Variants in CCDC22 observed in about 807,000 individuals in gnomAD.
CCDC22 encodes CCC complex scaffolding subunit CCDC22.
A neutral mutation model predicts 53.1 loss-of-function variants in CCDC22; 4 were observed. The ratio of observed to expected loss-of-function variants is 0.08; its 90% confidence interval spans 0.04 to 0.17. CCDC22 has a LOEUF of 0.17. Ranked by LOEUF, CCDC22 falls within the 10% of genes least tolerant of loss-of-function variation. The probability of loss-of-function intolerance (pLI) is 1.00; values close to 1 mark genes in which losing one functional copy is unlikely to be tolerated. For synonymous variants in CCDC22, 222 were observed against 224.4 expected (o/e 0.99, Z 0.10); for missense variants, 458 against 554.0 (o/e 0.83, Z 1.74).
Position 49,235,526 on chromosome X carries a change from C to A in CCDC22, c.-111C>A. Reference sequence around the variant, plus strand: ...ACTACACTTTCCAACTCTCCCCACACGACCCGTGACACTCTGTGGACCGCG... The same window carrying A: ...ACTACACTTTCCAACTCTCCCCACAAGACCCGTGACACTCTGTGGACCGCG... On this transcript the variant is annotated 5_prime_UTR_variant, in exon 1 of 17. Transcript: ENST00000376227. 2 of 712,105 alleles carry A rather than the reference C, an allele frequency of 2.8e-6. No individual in the cohort carries two copies. The highest frequency in any genetic ancestry group is 4.4e-6 in the Non-Finnish European group (2 of 457,938). 58.7% of individuals were successfully genotyped at this position (712,105 alleles called of 1,213,427 possible).
chrX:49,249,137 G>A (rs782090820), intron 13 of CCDC22, 30 bp from the exon 14 acceptor site: 1 of 1,180,780 alleles, frequency 8.5e-7, no homozygotes, highest in Non-Finnish European at 1.2e-6. Flanking sequence ...GCCCCAGGCA[G>A]GGGCTCATGG....
chrX:49,238,395 T>G (rs185808602), intron 2 of CCDC22, among the ~76,000 whole-genome samples: 2 of 111,420 alleles, frequency 1.8e-5, no homozygotes, highest in Non-Finnish European at 3.8e-5. Flanking sequence ...GTCATTCCTA[T>G]AGGACACTGT....
At chrX:49,248,560 G>A (rs782547012) in intron 11 of CCDC22, 37 bp downstream of exon 11, 3 of 1,195,270 alleles carry the variant, frequency 2.5e-6, no homozygotes, top group Non-Finnish European at 2.3e-6. Context: ...GCGGGCCAGG[G>A]CAGGCTCGGT....
intron 3 of CCDC22, chrX:49,242,360 C>T (rs187159294): frequency 6.0e-5 from 45 of 744,084 alleles, no homozygotes; most frequent in African/African-American, 9.4e-5. Flanking sequence ...CCCGGTGGTG[C>T]GTTGGTGCGG....
rs781830679 is a variant in CCDC22 at position 49,247,547 on chromosome X, C to T, written c.961C>T (p.Arg321Trp). 12 of 1,197,113 alleles carry T rather than the reference C, an allele frequency of 1.0e-5. No homozygotes were observed. In the South Asian group the frequency reaches 1.5e-4, roughly 15 times the overall value. The change falls in exon 8 of 17, where the codon CGG (arginine) becomes TGG (tryptophan). Residue 321 changes from arginine to tryptophan, a missense_variant. This residue lies in a region of CCDC22 where 309 missense variants were observed against 312.3 expected (regional missense o/e 0.99). Coordinates refer to ENST00000376227, the MANE Select transcript of CCDC22 (RefSeq NM_014008.5). ...GTCAGATGTGCCAGCCACCTCCCGGCGGCCTGAACAGGTGAGCAGAGTGGT... is the reference window on the plus strand; with the variant it reads ...GTCAGATGTGCCAGCCACCTCCCGGTGGCCTGAACAGGTGAGCAGAGTGGT... ...QVSDVPATSR[R>W]PEQVTWAAQE... is the part of the protein sequence containing the mutation.
rs781863799 is a variant in CCDC22, at chrX:49,249,409, G to A, written c.1636-100G>A. On this transcript the variant is annotated intron_variant, in intron 14 of 16. Transcript: ENST00000376227. ...CCAGGGCTGGCTTTGTTTCATGGAGGATGAAGCTAGTGGGGTGGTGGGAGA... is the reference window on the plus strand; with the variant it reads ...CCAGGGCTGGCTTTGTTTCATGGAGAATGAAGCTAGTGGGGTGGTGGGAGA... 2.4e-4 allele frequency: 224 copies of A among 925,103 alleles called. No homozygotes were observed. In the Middle Eastern group the frequency reaches 4.9e-3, roughly 20 times the overall value. The allele number at this position is 925,103 out of a possible 1,213,427, so 76.2% of individuals were successfully genotyped here.
At chrX:49,238,501 C>T (rs2065949402) in intron 2 of CCDC22, among the ~76,000 whole-genome samples, 1 of 112,923 alleles carries the variant, frequency 8.9e-6, no homozygotes, top group African/African-American at 3.2e-5. Context: ...TGCTATATTA[C>T]CTCTGTGGGA....
chrX:49,247,545 G>A lies in CCDC22; in HGVS notation c.959G>A (p.Arg320Gln), dbSNP rs782769431. Reference protein sequence around the residue: ...TQVSDVPATSRRPEQVTWAAQ... With the variant: ...TQVSDVPATSQRPEQVTWAAQ... The stretch of plus-strand genomic sequence containing the variant: ...GTGTCAGATGTGCCAGCCACCTCCC[G>A]GCGGCCTGAACAGGTGAGCAGAGTG... The change falls in exon 8 of 17, where the codon CGG (arginine) becomes CAG (glutamine). Residue 320 changes from arginine (R) to glutamine (Q), a missense_variant. Physicochemically the swap from Arg to Gln is conservative, Grantham distance 43. Transcript: ENST00000376227. 2.5e-6 allele frequency: 3 copies of A among 1,198,861 alleles called. No homozygotes were observed. The highest frequency in any genetic ancestry group is 3.0e-5 in the East Asian group (1 of 33,141).
At chrX:49,235,826 T>TACACACACACACACACACACACAC (rs797042658) in intron 1 of CCDC22, 140 bp downstream of exon 1, 1 of 212,500 alleles carries the variant, frequency 4.7e-6, no homozygotes, top group Admixed American at 7.5e-5. Context: ...CTCACCCCCT[T>TACACACACACACACACACACACAC]ACACACACAC....
At chrX:49,236,561 C>A (rs1477521313) in intron 1 of CCDC22, among the ~76,000 whole-genome samples, 1 of 110,812 alleles carries the variant, frequency 9.0e-6, no homozygotes, top group Non-Finnish European at 1.9e-5. Flanking sequence ...CCCTGACGCA[C>A]GAAGACTCCT....
At chrX:49,235,783 C>T in intron 1 of CCDC22, 97 bp downstream of exon 1, 1 of 679,050 alleles carries the variant, frequency 1.5e-6, no homozygotes, top group Non-Finnish European at 2.2e-6. Flanking sequence ...GGGATCCTGA[C>T]ATTCAGGGCT....
intron 2 of CCDC22, 84 bp from the exon 3 acceptor site, chrX:49,241,932 G>A: frequency 9.2e-7 from 1 of 1,088,107 alleles, no homozygotes; most frequent in South Asian, 1.9e-5. Flanking sequence ...TAGTGAGAAA[G>A]TGGGAGCGTT....
chrX:49,242,999 C>A lies in CCDC22; in HGVS notation c.468+7C>A. The stretch of plus-strand genomic sequence containing the variant: ...CAAGCTGCAGCACCTCCAGGTGAGA[C>A]CCCTGACTCCCATGGATCTTCTCTT... On this transcript the variant is annotated splice_region_variant and intron_variant, in intron 4 of 16. Transcript: ENST00000376227. 8.8e-7 allele frequency: 1 copy of A among 1,134,247 alleles called. No individual in the cohort carries two copies. Among genetic ancestry groups the A allele is most frequent in the Non-Finnish European group, 1.2e-6 (1 of 849,159 alleles). The allele number at this position is 1,134,247 out of a possible 1,213,427, so 93.5% of individuals were successfully genotyped here. A position where few individuals can be genotyped will look rare whatever the true frequency, so the allele number is the denominator to read the frequency against.
At chrX:49,241,565 T>G (rs2065964205) in intron 2 of CCDC22, among the ~76,000 whole-genome samples, 1 of 109,975 alleles carries the variant, frequency 9.1e-6, no homozygotes, top group South Asian at 3.9e-4. Flanking sequence ...AGAACCCTCA[T>G]GAGTCCTTTT....
At chrX:49,248,960 G>C in intron 13 of CCDC22, 36 bp downstream of exon 13, 1 of 1,195,420 alleles carries the variant, frequency 8.4e-7, no homozygotes, top group Non-Finnish European at 1.1e-6. Flanking sequence ...GGGTCATGTG[G>C]GCTGTCAGGC....
At chrX:49,243,224 G>A in intron 5 of CCDC22, 40 bp downstream of exon 5, 1 of 1,201,867 alleles carries the variant, frequency 8.3e-7, no homozygotes, top group Non-Finnish European at 1.1e-6. Flanking sequence ...GAGGAAGGTG[G>A]GGGGGAACCT....
intron 6 of CCDC22, among the ~76,000 whole-genome samples, chrX:49,246,401 T>C (rs1557114171): frequency 8.9e-6 from 1 of 112,469 alleles, no homozygotes; most frequent in African/African-American, 3.2e-5. Context: ...TTTGATTCCC[T>C]GTCTCTGCCC....
intron 4 of CCDC22, 61 bp from the exon 5 acceptor site, chrX:49,243,057 C>T: frequency 8.7e-7 from 1 of 1,152,892 alleles, no homozygotes; most frequent in Non-Finnish European, 1.2e-6. Flanking sequence ...TTTTGGCCCC[C>T]TACCCCTGGC....
chrX:49,245,197 GC>G (rs1557114017), intron 6 of CCDC22, among the ~76,000 whole-genome samples: 2 of 105,447 alleles, frequency 1.9e-5, no homozygotes, highest in South Asian at 8.5e-4. Context: ...TCTGTATTTG[GC>G]CCCCCTCCCC....
Sources: gnomAD v4.1 joint callset for allele counts (sites outside exome capture counted in the v4.1 genomes callset) on GRCh38, gnomAD v4.1.1 for gene constraint, gnomAD v4.1.1 regional missense constraint, MANE v1.5 for transcripts, NCBI Gene and HGNC (gene_info 2026-07-23, HGNC 2026-07-21) for gene names.